Variants in PGCKA1 observed in about 807,000 individuals in gnomAD.
The protein encoded by PGCKA1 is PDCD10 and GCKIII kinases-associated protein 1.
the PGCKA1 span, among the ~76,000 whole-genome samples, chr4:37,533,495 T>C: frequency 2.0e-5 from 3 of 152,248 alleles, no homozygotes; most frequent in Non-Finnish European, 4.4e-5. Context: ...GTTTCTGCAT[T>C]ACATTCCACA....
chr4:37,548,013 GA>G, the PGCKA1 span, among the ~76,000 whole-genome samples: 12 of 116,404 alleles, frequency 1.0e-4, no homozygotes, highest in South Asian at 5.9e-4. Context: ...AAAAAAAAAG[GA>G]AAAAAAAAGG....
chr4:37,557,811 T>C, the PGCKA1 span, among the ~76,000 whole-genome samples: 1 of 152,202 alleles, frequency 6.6e-6, no homozygotes. Context: ...TGTGAGTTGA[T>C]TGCTGAGTGT....
chr4:37,483,510 C>T, the PGCKA1 span, among the ~76,000 whole-genome samples: 4 of 152,116 alleles, frequency 2.6e-5, no homozygotes, highest in Non-Finnish European at 5.9e-5. Flanking sequence ...CTTATGTCTC[C>T]ATCCTCAGCA....
At chr4:37,510,431 C>A in the PGCKA1 span, among the ~76,000 whole-genome samples, 27,980 of 152,018 alleles carry the variant, frequency 0.18, 2,930 homozygotes, top group East Asian at 0.4. Flanking sequence ...CACTGCAAGC[C>A]CAGGATCACT....
the PGCKA1 span, among the ~76,000 whole-genome samples, chr4:37,549,707 T>C: frequency 6.6e-6 from 1 of 152,154 alleles, no homozygotes; most frequent in African/African-American, 2.4e-5. Flanking sequence ...CAGATAAACA[T>C]AACTGTTTAG....
the PGCKA1 span, among the ~76,000 whole-genome samples, chr4:37,485,061 T>C: frequency 6.6e-6 from 1 of 152,248 alleles, no homozygotes; most frequent in African/African-American, 2.4e-5. Flanking sequence ...TATTCTCCAC[T>C]AGCCCCAAAG....
At chr4:37,496,546 A>T in the PGCKA1 span, among the ~76,000 whole-genome samples, 2 of 152,148 alleles carry the variant, frequency 1.3e-5, no homozygotes, top group African/African-American at 4.8e-5. Context: ...TGATTCCTCC[A>T]GGTTTGTTCT....
At chr4:37,520,628 T>A in the PGCKA1 span, among the ~76,000 whole-genome samples, 2 of 152,192 alleles carry the variant, frequency 1.3e-5, no homozygotes, top group African/African-American at 4.8e-5. Context: ...TTCATTTTTT[T>A]ATTTTTTGAG....
the PGCKA1 span, among the ~76,000 whole-genome samples, chr4:37,562,804 G>A: frequency 2.0e-5 from 3 of 152,054 alleles, no homozygotes; most frequent in African/African-American, 7.2e-5. Context: ...CTACATCCCT[G>A]GAATCAAGTT....
At chr4:37,494,404 G>A in the PGCKA1 span, among the ~76,000 whole-genome samples, 1 of 152,142 alleles carries the variant, frequency 6.6e-6, no homozygotes, top group African/African-American at 2.4e-5. Flanking sequence ...TCCTGTGTTA[G>A]TTTGCTAAGG....
the PGCKA1 span, among the ~76,000 whole-genome samples, chr4:37,491,241 T>C: frequency 6.6e-6 from 1 of 152,198 alleles, no homozygotes; most frequent in Non-Finnish European, 1.5e-5. Context: ...GTACATTGAC[T>C]TTCCGCTATG....
At chr4:37,472,590 A>G in the PGCKA1 span, among the ~76,000 whole-genome samples, 2 of 152,126 alleles carry the variant, frequency 1.3e-5, no homozygotes, top group African/African-American at 4.8e-5. Flanking sequence ...ACATATTGCT[A>G]TTTGGTTTTA....
chr4:37,511,005 G>A, the PGCKA1 span, among the ~76,000 whole-genome samples: 1 of 151,800 alleles, frequency 6.6e-6, no homozygotes, highest in African/African-American at 2.4e-5. Flanking sequence ...CCCACAGGGA[G>A]TACTACCAGA....
the PGCKA1 span, among the ~76,000 whole-genome samples, chr4:37,572,060 T>TC: frequency 2.6e-4 from 31 of 118,752 alleles, no homozygotes; most frequent in African/African-American, 7.8e-4. Context: ...TTTTTTTTTT[T>TC]TTCTTTTTTT....
the PGCKA1 span, among the ~76,000 whole-genome samples, chr4:37,583,624 A>G: frequency 6.6e-6 from 1 of 152,002 alleles, no homozygotes; most frequent in African/African-American, 2.4e-5. Flanking sequence ...TTTTTAGTGG[A>G]GACGGGGTTT....
chr4:37,545,096 T>G, the PGCKA1 span, among the ~76,000 whole-genome samples: 1 of 152,166 alleles, frequency 6.6e-6, no homozygotes, highest in African/African-American at 2.4e-5. Context: ...CCTCAAGTGA[T>G]CCACGCACCT....
the PGCKA1 span, among the ~76,000 whole-genome samples, chr4:37,497,521 G>A: frequency 1.2e-4 from 18 of 152,230 alleles, no homozygotes; most frequent in East Asian, 3.9e-4. Context: ...TTCCCTGATC[G>A]CTGCATCCAT....
chr4:37,592,503 C>G, the PGCKA1 span, among the ~76,000 whole-genome samples: 1 of 152,156 alleles, frequency 6.6e-6, no homozygotes, highest in Non-Finnish European at 1.5e-5. Context: ...TGAACAAGCC[C>G]TCTCTGGATT....
the PGCKA1 span, chr4:37,454,102 T>TG: frequency 6.5e-6 from 1 of 153,050 alleles, no homozygotes; most frequent in Non-Finnish European, 1.5e-5. Flanking sequence ...AACTTGGCTT[T>TG]GGGGCGAGCT....
Sources: allele counts gnomAD v4.1 joint callset (sites outside exome capture counted in the v4.1 genomes callset), GRCh38; gene constraint gnomAD v4.1.1; transcripts MANE v1.5; gene names NCBI Gene and HGNC (gene_info 2026-07-23, HGNC 2026-07-21).